The following PAK6 variants were observed in gnomAD, a reference collection of about 807,000 sequenced individuals.
The protein encoded by PAK6 is serine/threonine-protein kinase PAK 6.
A neutral mutation model predicts 60.8 loss-of-function variants in PAK6; 33 were observed. The ratio of observed to expected loss-of-function variants is 0.54; its 90% confidence interval spans 0.41 to 0.73. The LOEUF is 0.73. Ranked by LOEUF, PAK6 falls within the 30% of genes least tolerant of loss-of-function variation. The pLI is 0.00. For synonymous variants in PAK6, 404 were observed against 378.5 expected (o/e 1.07, Z -0.78); for missense variants, 845 against 904.1 (o/e 0.93, Z 0.84).
chr15:40,275,282 T>TTTC (rs796335231), intron 10 of PAK6, among the ~76,000 whole-genome samples: 8 of 95,146 alleles, frequency 8.4e-5, no homozygotes, highest in African/African-American at 3.2e-4. Flanking sequence ...TGTTGTTGGT[T>TTTC]TTTTTTTTTT....
chr15:40,266,417 A>G (rs1460491478), exon 5 of PAK6: 1 of 1,613,236 alleles, frequency 6.2e-7, no homozygotes, highest in Admixed American at 1.7e-5. Context: ...AGCGCAGGCT[A>G]TTCCGAAGCA....
chr15:40,266,739 C>T (rs1028309675), intron 5 of PAK6: 3 of 461,742 alleles, frequency 6.5e-6, no homozygotes, highest in Non-Finnish European at 7.6e-6. Context: ...AGTATTTGTT[C>T]CCAAGTGTGT....
intron 5 of PAK6, among the ~76,000 whole-genome samples, chr15:40,268,076 G>C (rs2039196243): frequency 6.6e-6 from 1 of 152,152 alleles, no homozygotes; most frequent in Non-Finnish European, 1.5e-5. Context: ...ACTGCTGCTG[G>C]GTATGCCGGG....
At chr15:40,274,107 C>G (rs933877872) in intron 9 of PAK6, 35 bp from the exon 10 acceptor site, 1 of 1,612,924 alleles carries the variant, frequency 6.2e-7, no homozygotes, top group Non-Finnish European at 8.5e-7. Context: ...GGGCCAGGGT[C>G]TGGCCATGGG....
chr15:40,274,084 C>G (rs927449195), intron 9 of PAK6, 58 bp from the exon 10 acceptor site: 1 of 1,598,058 alleles, frequency 6.3e-7, no homozygotes, highest in Non-Finnish European at 8.6e-7. Context: ...GCCACCAGAA[C>G]GCAGCTACCA....
Position 40,264,977 on chromosome 15 carries a change from C to G in PAK6, c.192C>G (p.Leu64=), listed in dbSNP as rs767744330. 3 of 1,613,274 alleles carry G rather than the reference C, an allele frequency of 1.9e-6. No individual in the cohort carries two copies. In the South Asian group the frequency reaches 3.3e-5, roughly 18 times the overall value. Residue 64 remains leucine, a synonymous_variant, in exon 4 of 11, where the codon CTC becomes CTG. Coordinates refer to ENST00000560346, the Ensembl canonical transcript of PAK6. ...CTTCGCGAATCACACGGGTGCAGCT[C>G]CAGCCCATGAAGGTAAGAGGGGCCG... is the stretch of plus-strand genomic sequence containing the variant.
chr15:40,273,299 C>A (rs572560192), intron 7 of PAK6, 47 bp from the exon 8 acceptor site: 3 of 1,597,432 alleles, frequency 1.9e-6, no homozygotes, highest in Admixed American at 1.7e-5. Flanking sequence ...CACGACCTGC[C>A]AGAGCTAACG....
At chr15:40,256,144 G>T (rs528538611) in intron 3 of PAK6, among the ~76,000 whole-genome samples, 28 of 152,310 alleles carry the variant, frequency 1.8e-4, no homozygotes, top group African/African-American at 6.5e-4. Context: ...AGGGTGGGTT[G>T]AGGCCAGACG....
intron 3 of PAK6, chr15:40,259,594 C>T (rs1421877234): frequency 6.6e-6 from 1 of 151,898 alleles, no homozygotes; most frequent in African/African-American, 2.4e-5. Context: ...CAAGATCAGC[C>T]CAGCCAACAT....
chr15:40,251,076 C>CG (rs1329786962), intron 2 of PAK6: 1 of 152,392 alleles, frequency 6.6e-6, no homozygotes, highest in Non-Finnish European at 1.5e-5. Flanking sequence ...TTTGTCTAAG[C>CG]GGGTCAGGCC....
At chr15:40,253,146 C>A in intron 2 of PAK6, 32 bp from the exon 3 acceptor site, 1 of 451,448 alleles carries the variant, frequency 2.2e-6, no homozygotes, top group Non-Finnish European at 4.5e-6. Flanking sequence ...GCTACATTTG[C>A]CATAATGCAT....
At chr15:40,272,114 C>T (rs536357090) in intron 5 of PAK6, 110 bp from the exon 6 acceptor site, 118 of 1,240,482 alleles carry the variant, frequency 9.5e-5, no homozygotes, top group Admixed American at 2.0e-4. Context: ...TCTGATACCC[C>T]GCCTGACCCT....
rs1258948308 is a variant in PAK6 at position 40,262,250 on chromosome 15, T to C, written c.-5-2531T>C. 2.0e-5 allele frequency among the ~76,000 whole-genome samples: 3 copies of C among 152,186 alleles called. No homozygotes were observed. In the East Asian group the frequency reaches 5.8e-4, roughly 29 times the overall value. ...CTGTAGCAAAAGGCAAAGGCTGTAA[T>C]CCCAGCACTTTGGGAGACCAAGGCA... On this transcript the variant is annotated intron_variant, in intron 3 of 10. Transcript: ENST00000560346.
intron 2 of PAK6, chr15:40,252,598 C>T (rs746763061): frequency 2.2e-6 from 3 of 1,353,394 alleles, no homozygotes; most frequent in South Asian, 2.3e-5. Context: ...AAGCGCGGCC[C>T]CTCCTCGGCG....
chr15:40,274,429 T>C (rs985322920), intron 10 of PAK6, among the ~76,000 whole-genome samples, 153 bp downstream of exon 10: 4 of 152,228 alleles, frequency 2.6e-5, no homozygotes. Context: ...AACCCGCACC[T>C]GGGTGTGGAG....
At chr15:40,272,146 CG>C in intron 5 of PAK6, 77 bp from the exon 6 acceptor site, 1 of 1,501,146 alleles carries the variant, frequency 6.7e-7, no homozygotes, top group South Asian at 1.3e-5. Flanking sequence ...GAGGTCACGG[CG>C]GCCAGCCCCT....
chr15:40,262,609 G>A (rs957548154), intron 3 of PAK6, among the ~76,000 whole-genome samples: 1 of 152,234 alleles, frequency 6.6e-6, no homozygotes, highest in Non-Finnish European at 1.5e-5. Flanking sequence ...GAGGTCCCCA[G>A]GTCCCAGACC....
intron 2 of PAK6, chr15:40,252,935 G>A (rs1286551272): frequency 4.9e-6 from 5 of 1,013,644 alleles, no homozygotes; most frequent in Non-Finnish European, 5.0e-6. Flanking sequence ...AGCTGGGGCC[G>A]GGTGGCCGCG....
chr15:40,244,128 C>G (rs62020052), intron 2 of PAK6, among the ~76,000 whole-genome samples: 58,125 of 151,872 alleles, frequency 0.38, 11,668 homozygotes, highest in Middle Eastern at 0.47. Context: ...TCAAGAGATC[C>G]AGACCATCCT....
Sources: allele counts gnomAD v4.1 joint callset (sites outside exome capture counted in the v4.1 genomes callset), GRCh38; gene constraint gnomAD v4.1.1; transcripts MANE v1.5; gene names NCBI Gene and HGNC (gene_info 2026-07-23, HGNC 2026-07-21).